The following IL23R variants were observed in gnomAD, a reference collection of about 807,000 sequenced individuals.
IL23R encodes the protein interleukin 23 receptor, also known as interleukin-23 receptor.
Under a neutral mutation model 56.9 loss-of-function variants are expected in IL23R, and 34 were observed. The observed-to-expected ratio is 0.60, with a 90% CI of 0.45 to 0.80. The LOEUF (loss-of-function observed/expected upper bound fraction) is 0.80, where lower values mean the gene tolerates loss of function less well. Ranked by LOEUF, IL23R falls within the 30% of genes least tolerant of loss-of-function variation. IL23R has a pLI of 0.00. For synonymous variants in IL23R, 230 were observed against 249.2 expected (o/e 0.92, Z 0.73); for missense variants, 635 against 730.0 (o/e 0.87, Z 1.50).
chr1:67,187,904 AAG>A (rs1318798934), intron 4 of IL23R, among the ~76,000 whole-genome samples: 2 of 151,942 alleles, frequency 1.3e-5, no homozygotes, highest in Admixed American at 6.6e-5. Flanking sequence ...CATCTCTACT[AAG>A]AATACAAAAA....
At chr1:67,192,453 T>C (rs1647823666) in intron 4 of IL23R, among the ~76,000 whole-genome samples, 1 of 152,190 alleles carries the variant, frequency 6.6e-6, no homozygotes, top group South Asian at 2.1e-4. Flanking sequence ...TAGGACCTTT[T>C]ATTATCTCTA....
In IL23R at chr1:67,236,728, C is replaced by T; in HGVS notation, c.971C>T (p.Ser324Leu). 1.2e-6 allele frequency: 2 copies of T among 1,613,090 alleles called. No homozygotes were observed. Among genetic ancestry groups the T allele is most frequent in the Non-Finnish European group, 1.7e-6 (2 of 1,179,056 alleles). The change falls in exon 8 of 11, where the codon TCA becomes TTA. Residue 324 changes from serine to leucine, a missense_variant. Ser to Leu is a moderately radical substitution (Grantham distance 145). Transcript: ENST00000347310. ...TTGGTTTAAGTTCCCCAGGTCACAT[C>T]AAAAGCATTCCAACATGACACATGG... ...KTPETVPQVT[S>L]KAFQHDTWNS...
intron 4 of IL23R, among the ~76,000 whole-genome samples, chr1:67,189,622 G>A (rs1363083216): frequency 6.6e-6 from 1 of 152,252 alleles, no homozygotes; most frequent in African/African-American, 2.4e-5. Context: ...CTAATGATTA[G>A]TTACAAACAA....
chr1:67,246,835 G>C (rs1332956134), intron 9 of IL23R, among the ~76,000 whole-genome samples: 1 of 152,168 alleles, frequency 6.6e-6, no homozygotes, highest in Non-Finnish European at 1.5e-5. Flanking sequence ...GTCCCACTTG[G>C]TCCAGAGCTG....
At chr1:67,256,839 C>A (rs1384020813) in intron 10 of IL23R, among the ~76,000 whole-genome samples, 1 of 152,174 alleles carries the variant, frequency 6.6e-6, no homozygotes, top group African/African-American at 2.4e-5. Flanking sequence ...CTTTCCCCAA[C>A]CTCATGTCAT....
intron 6 of IL23R, among the ~76,000 whole-genome samples, chr1:67,212,788 C>G (rs771220607): frequency 6.6e-6 from 1 of 152,184 alleles, no homozygotes; most frequent in Non-Finnish European, 1.5e-5. Context: ...CTGCTGAGCT[C>G]AAGCAACCAT....
intron 1 of IL23R, among the ~76,000 whole-genome samples, chr1:67,156,807 C>T (rs1646773451): frequency 6.6e-6 from 1 of 152,330 alleles, no homozygotes; most frequent in African/African-American, 2.4e-5. Flanking sequence ...GCCCCCTTTC[C>T]AGGGCAGTGG....
Position 67,169,421 on chromosome 1 carries a change from A to C in IL23R, c.150A>C (p.Ile50=), listed in dbSNP as rs749888878. The change falls in exon 3 of 11, where the codon ATA becomes ATC. Residue 50 remains isoleucine (I), a synonymous_variant. Transcript: ENST00000347310. ...TIFKMGMNIS[I]YCQAAIKNCQ... ...TTAAGATGGGTATGAATATCTCTATATATTGCCAAGCAGCAATTAAGAACT... is the reference window on the plus strand; with the variant it reads ...TTAAGATGGGTATGAATATCTCTATCTATTGCCAAGCAGCAATTAAGAACT... 21 of 1,613,070 alleles carry C rather than the reference A, an allele frequency of 1.3e-5. No homozygotes were observed. In the Admixed American group the frequency reaches 2.3e-4, roughly 18 times the overall value.
chr1:67,241,505 T>C (rs1033859135), intron 9 of IL23R, among the ~76,000 whole-genome samples: 1 of 152,180 alleles, frequency 6.6e-6, no homozygotes, highest in African/African-American at 2.4e-5. Flanking sequence ...AAAATCCCCC[T>C]TTTTGGTCAG....
chr1:67,211,058 C>T (rs1442463659), intron 6 of IL23R, among the ~76,000 whole-genome samples: 1 of 152,130 alleles, frequency 6.6e-6, no homozygotes, highest in East Asian at 1.9e-4. Flanking sequence ...CTTACGTCAA[C>T]TTGTTTACCT....
At chr1:67,179,066 G>C (rs1647052284) in intron 3 of IL23R, among the ~76,000 whole-genome samples, 1 of 152,210 alleles carries the variant, frequency 6.6e-6, no homozygotes, top group Non-Finnish European at 1.5e-5. Context: ...AGAGATATTG[G>C]TCTAAAATTC....
intron 6 of IL23R, among the ~76,000 whole-genome samples, chr1:67,213,761 T>C (rs1649652152): frequency 6.6e-6 from 1 of 152,158 alleles, no homozygotes; most frequent in Non-Finnish European, 1.5e-5. Context: ...AATGATGAAA[T>C]CGCTTAATGA....
In IL23R at chr1:67,196,532, C is replaced by T. The variant is rs866963080; in HGVS notation, c.492-4205C>T. Among the ~76,000 whole-genome samples the T allele has an allele frequency of 8.5e-5, 13 of 152,164 alleles. No homozygotes were observed. In the Middle Eastern group the frequency reaches 0.01, roughly 119 times the overall value. The stretch of plus-strand genomic sequence containing the variant: ...CTCAAACCTGGGTGACAGAGTGAGA[C>T]CCTGTCTCTAAAAAATAGAAGAAAA... On this transcript the variant is annotated intron_variant, in intron 4 of 10. Coordinates refer to ENST00000347310, the MANE Select transcript of IL23R (RefSeq NM_144701.3).
intron 3 of IL23R, among the ~76,000 whole-genome samples, chr1:67,172,310 A>T (rs1558225390): frequency 6.6e-6 from 1 of 152,210 alleles, no homozygotes; most frequent in Non-Finnish European, 1.5e-5. Context: ...GAACAAAATG[A>T]TTATATGTAT....
At chr1:67,260,772 C>T (rs1453731429), downstream of IL23R, among the ~76,000 whole-genome samples, 1 of 152,016 alleles carries the variant, frequency 6.6e-6, no homozygotes, top group Non-Finnish European at 1.5e-5. Context: ...AAATTCATGC[C>T]TATAGTCCTA....
intron 2 of IL23R, among the ~76,000 whole-genome samples, chr1:67,168,541 G>T (rs1646900839): frequency 6.6e-6 from 1 of 152,134 alleles, no homozygotes; most frequent in Admixed American, 6.5e-5. Flanking sequence ...CAAACCACTT[G>T]TTGATAGTTA....
At chr1:67,140,812 T>A (rs181115897) in intron 1 of IL23R, among the ~76,000 whole-genome samples, 182 of 152,282 alleles carry the variant, frequency 1.2e-3, no homozygotes, top group Non-Finnish European at 1.9e-3. Context: ...CTTATTAGAT[T>A]TATTATGTGT....
At chr1:67,256,006 A>G in intron 10 of IL23R, 79 bp downstream of exon 10, 1 of 808,594 alleles carries the variant, frequency 1.2e-6, no homozygotes. Context: ...TAGAATTTCC[A>G]TTCAAATAAA....
chr1:67,177,075 C>T (rs542109848), intron 3 of IL23R, among the ~76,000 whole-genome samples: 130 of 152,304 alleles, frequency 8.5e-4, no homozygotes, highest in African/African-American at 2.9e-3. Flanking sequence ...CCACAATAAA[C>T]ATACGTGTGC....
Sources: gnomAD v4.1 joint callset for allele counts (sites outside exome capture counted in the v4.1 genomes callset) on GRCh38, gnomAD v4.1.1 for gene constraint, MANE v1.5 for transcripts, NCBI Gene and HGNC (gene_info 2026-07-23, HGNC 2026-07-21) for gene names.